The following COQ9 variants were observed in gnomAD, a reference collection of about 807,000 sequenced individuals.
COQ9 encodes the protein coenzyme Q9.
Under a neutral mutation model 42.4 loss-of-function variants are expected in COQ9, and 35 were observed. That is an observed-to-expected ratio of 0.83 (90% confidence interval 0.63 to 1.10). The LOEUF is 1.10. Ranked by LOEUF, COQ9 falls within the 50% of genes least tolerant of loss-of-function variation. The probability of loss-of-function intolerance (pLI) is 0.00; values close to 1 mark genes in which losing one functional copy is unlikely to be tolerated. For missense variants in COQ9, 406 were observed against 414.6 expected (o/e 0.98, Z 0.18); for synonymous variants, 155 against 155.1 (o/e 1.00, Z 0.00).
intron 2 of COQ9, among the ~76,000 whole-genome samples, chr16:57,452,234 AG>A (rs1212506497): frequency 6.6e-6 from 1 of 152,236 alleles, no homozygotes; most frequent in African/African-American, 2.4e-5. Context: ...GGCTGAAAAC[AG>A]GGAACTCCAG....
chr16:57,450,302 C>G (rs1049109298), intron 1 of COQ9, among the ~76,000 whole-genome samples: 1 of 151,242 alleles, frequency 6.6e-6, no homozygotes, highest in Admixed American at 6.6e-5. Flanking sequence ...GTGATCCCAG[C>G]TACTCGGGAG....
Position 57,451,722 on chromosome 16 carries a change from A to C in COQ9, c.242+514A>C, listed in dbSNP as rs183014030. On this transcript the variant is annotated intron_variant, in intron 2 of 8. Transcript: ENST00000262507. ...ATGCTGTTCTAGAACCTGTTTTTTCACTCAACAGTACATTTGTAATGTCTT... is the reference window on the plus strand; with the variant it reads ...ATGCTGTTCTAGAACCTGTTTTTTCCCTCAACAGTACATTTGTAATGTCTT... Among the ~76,000 whole-genome samples the C allele has an allele frequency of 4.8e-3, 735 of 152,304 alleles. 18 individuals are homozygous for C. Among genetic ancestry groups the C allele is most frequent in the Non-Finnish European group, 3.1e-3 (211 of 68,016 alleles).
At chr16:57,452,628 GGA>G (rs1282240876) in intron 2 of COQ9, among the ~76,000 whole-genome samples, 171 bp from the exon 3 acceptor site, 4 of 152,062 alleles carry the variant, frequency 2.6e-5, no homozygotes, top group Admixed American at 6.6e-5. Context: ...GGCGACAGAG[GGA>G]GACTCTGTCT....
At chr16:57,458,941 A>G (rs2030465502) in intron 6 of COQ9, among the ~76,000 whole-genome samples, 1 of 152,264 alleles carries the variant, frequency 6.6e-6, no homozygotes, top group Non-Finnish European at 1.5e-5. Context: ...CCATAGTTAT[A>G]ACAAAGTGTT....
rs779510052 is a variant in COQ9, at chr16:57,452,894, C to T, written c.336C>T (p.Pro112=). 23 of 1,613,672 alleles carry T rather than the reference C, an allele frequency of 1.4e-5. No individual in the cohort carries two copies. Among genetic ancestry groups the T allele is most frequent in the Admixed American group, 5.0e-5 (3 of 59,992 alleles). Reference sequence around the variant, plus strand: ...TGACGGCAGCCCTTGAGTTTGTGCCCGCCCACGGGTGGACAGCAGAGGCGA... The same window carrying T: ...TGACGGCAGCCCTTGAGTTTGTGCCTGCCCACGGGTGGACAGCAGAGGCGA... The part of the protein sequence containing the change: ...RILTAALEFV[P]AHGWTAEAIA... The change falls in exon 3 of 9, where the codon CCC becomes CCT. Residue 112 remains proline (P), a synonymous_variant. Coordinates refer to ENST00000262507, the MANE Select transcript of COQ9 (RefSeq NM_020312.4).
rs1459200746 is a variant in COQ9 at position 57,460,699 on chromosome 16, T to C, written c.*75T>C. ...TGAAAGAGCTTTGAAAAGTATAAGGTGCCATCCACATAACCTGGTGTTCAC... is the reference window on the plus strand; with the variant it reads ...TGAAAGAGCTTTGAAAAGTATAAGGCGCCATCCACATAACCTGGTGTTCAC... On this transcript the variant is annotated 3_prime_UTR_variant, in exon 9 of 9. Transcript: ENST00000262507. 4 of 1,414,218 alleles carry C rather than the reference T, an allele frequency of 2.8e-6. No homozygotes were observed. The highest frequency in any genetic ancestry group is 4.0e-6 in the Non-Finnish European group (4 of 1,001,060). The allele number at this position is 1,414,218 out of a possible 1,614,324, so 87.6% of individuals were successfully genotyped here. A position where few individuals can be genotyped will look rare whatever the true frequency, so the allele number is the denominator to read the frequency against.
chr16:57,459,827 G>A (rs2030489875), intron 7 of COQ9, 107 bp downstream of exon 7: 3 of 1,322,976 alleles, frequency 2.3e-6, no homozygotes, highest in Non-Finnish European at 3.3e-6. Flanking sequence ...AGTCCTGAGG[G>A]CCTTCCCAAG....
chr16:57,459,762 A>T (rs2030488996), intron 7 of COQ9, 42 bp downstream of exon 7: 1 of 1,607,652 alleles, frequency 6.2e-7, no homozygotes. Context: ...TTTAGAAGGC[A>T]TACCTATTCT....
At chr16:57,456,455 A>G in intron 3 of COQ9, 49 bp from the exon 4 acceptor site, 1 of 1,604,764 alleles carries the variant, frequency 6.2e-7, no homozygotes, top group Middle Eastern at 1.7e-4. Flanking sequence ...CAACAAATGT[A>G]CCCTACACTT....
At chr16:57,457,612 T>G (rs1464914818) in intron 5 of COQ9, among the ~76,000 whole-genome samples, 1 of 152,220 alleles carries the variant, frequency 6.6e-6, no homozygotes, top group Admixed American at 6.5e-5. Context: ...GGAAGACTAC[T>G]AAGCACGTAG....
intron 1 of COQ9, 83 bp downstream of exon 1, chr16:57,447,661 G>A (rs1382583039): frequency 2.6e-6 from 3 of 1,148,218 alleles, no homozygotes; most frequent in African/African-American, 1.6e-5. Flanking sequence ...ACGGTGGGGG[G>A]AAGAGGCCGT....
intron 6 of COQ9, among the ~76,000 whole-genome samples, chr16:57,458,963 C>T (rs2030465978): frequency 6.6e-6 from 1 of 152,192 alleles, no homozygotes. Flanking sequence ...TAATAAACTT[C>T]CTCCATGTGG....
rs1379314430 is a variant in COQ9, at chr16:57,460,941, A to G, written c.*317A>G. 15 of 396,322 alleles carry G rather than the reference A, an allele frequency of 3.8e-5. No homozygotes were observed. Among genetic ancestry groups the G allele is most frequent in the African/African-American group, 2.5e-4 (12 of 48,326 alleles). The allele number at this position is 396,322 out of a possible 1,614,324, so 24.6% of individuals were successfully genotyped here. ...AGAAACCCAGCATGTCCCTGTCACA[A>G]TCTCATGGGCACCTTGATCATGTCT... On this transcript the variant is annotated 3_prime_UTR_variant, in exon 9 of 9. Transcript: ENST00000262507.
In COQ9 at chr16:57,447,556, C is replaced by A; in HGVS notation, c.51C>A (p.Leu17=). Residue 17 remains leucine, a synonymous_variant, in exon 1 of 9, where the codon CTC becomes CTA. Coordinates refer to ENST00000262507, the MANE Select transcript of COQ9 (RefSeq NM_020312.4). ...CGCTTGGCCGGGCGGGCTGGAGGCT[C>A]CTGCAGCTGCGATGCCTGCCCGGTG... is the stretch of plus-strand genomic sequence containing the variant. ...SGALGRAGWR[L]LQLRCLPVAR... The A allele has an allele frequency of 7.7e-7, 1 of 1,293,492 alleles. No homozygotes were observed. The highest frequency in any genetic ancestry group is 2.7e-5 in the South Asian group (1 of 37,496). 80.1% of individuals were successfully genotyped at this position (1,293,492 alleles called of 1,614,324 possible). A position where few individuals can be genotyped will look rare whatever the true frequency, so the allele number is the denominator to read the frequency against.
Position 57,460,115 on chromosome 16 carries a change from C to T in COQ9, c.921+11C>T. 1 of 1,613,692 alleles carries T rather than the reference C, an allele frequency of 6.2e-7. No homozygotes were observed. The highest frequency in any genetic ancestry group is 1.3e-5 in the African/African-American group (1 of 75,010). On this transcript the variant is annotated intron_variant, in intron 8 of 8. Transcript: ENST00000262507. ...GGTGCAGCAGTGACGGTGAGTACTG[C>T]CCAGCACATCCCTGCCCCTCCTCTC...
At chr16:57,455,499 G>A (rs1164502450) in intron 3 of COQ9, among the ~76,000 whole-genome samples, 2 of 151,452 alleles carry the variant, frequency 1.3e-5, no homozygotes, top group African/African-American at 2.4e-5. Context: ...CTCAAGGAAC[G>A]CGGACATTTA....
chr16:57,453,893 C>T (rs1366470440), intron 3 of COQ9: 1 of 152,064 alleles, frequency 6.6e-6, no homozygotes, highest in African/African-American at 2.4e-5. Context: ...AATAATGTGC[C>T]CTAGGCACTG....
chr16:57,452,424 T>G (rs1287393699), intron 2 of COQ9, among the ~76,000 whole-genome samples: 16 of 152,310 alleles, frequency 1.1e-4, no homozygotes, highest in African/African-American at 3.1e-4. Context: ...GGCGGCTCAC[T>G]TGAGGTCAGG....
chr16:57,460,298 T>TA (rs1435175735), intron 8 of COQ9, among the ~76,000 whole-genome samples, 194 bp downstream of exon 8: 1 of 152,184 alleles, frequency 6.6e-6, no homozygotes, highest in Non-Finnish European at 1.5e-5. Context: ...CATCAGGAGA[T>TA]ATCACTGACT....
Sources: gnomAD v4.1 joint callset for allele counts (sites outside exome capture counted in the v4.1 genomes callset) on GRCh38, gnomAD v4.1.1 for gene constraint, MANE v1.5 for transcripts, NCBI Gene and HGNC (gene_info 2026-07-23, HGNC 2026-07-21) for gene names.